PCSK6: variants seen among roughly 807,000 people sequenced by gnomAD.
The protein encoded by PCSK6 is paired basic amino acid cleaving enzyme 4.
PCSK6 carries 85 observed loss-of-function variants against 123.3 expected under a neutral mutation model. The ratio of observed to expected loss-of-function variants is 0.69; its 90% CI spans 0.58 to 0.83. The LOEUF is 0.83. PCSK6 is among the 40% of genes least tolerant of loss of function. The pLI is 0.00. For synonymous variants in PCSK6, 508 were observed against 516.0 expected (o/e 0.98, Z 0.21); for missense variants, 1,191 against 1,282.3 (o/e 0.93, Z 1.09).
At chr15:101,434,896 C>T (rs1184546581) in intron 2 of PCSK6, among the ~76,000 whole-genome samples, 1 of 152,164 alleles carries the variant, frequency 6.6e-6, no homozygotes, top group Admixed American at 6.5e-5. Context: ...ACCTCCTACC[C>T]ACCACAAAGA....
intron 19 of PCSK6, 185 bp from the exon 20 acceptor site, chr15:101,313,690 G>C (rs940344333): frequency 1.3e-6 from 1 of 746,128 alleles, no homozygotes; most frequent in East Asian, 2.9e-5. Flanking sequence ...GGTGGGCATC[G>C]CCATCACCAT....
rs1044166608 is a variant in PCSK6 at position 101,304,210 on chromosome 15, C to T, written c.*1048G>A. 1 of 152,542 alleles carries T rather than the reference C, an allele frequency of 6.6e-6. No homozygotes were observed. Among genetic ancestry groups the T allele is most frequent in the African/African-American group, 2.4e-5 (1 of 41,440 alleles). 9.4% of individuals were successfully genotyped at this position (152,542 alleles called of 1,614,324 possible). A position where few individuals can be genotyped will look rare whatever the true frequency, so the allele number is the denominator to read the frequency against. On this transcript the variant is annotated 3_prime_UTR_variant, in exon 22 of 22. Transcript: ENST00000611716. ...ATGAAATATTTGTCAAAATAATTAA[C>T]ATCGGTAAAAATTAGAACATGTAGC...
At chr15:101,482,757 T>C (rs796604847) in intron 1 of PCSK6, among the ~76,000 whole-genome samples, 52 of 152,254 alleles carry the variant, frequency 3.4e-4, no homozygotes, top group African/African-American at 1.2e-3. Flanking sequence ...AATGGTCCAG[T>C]CAGCTGAGCC....
At chr15:101,409,322 A>C (rs1410830037) in intron 6 of PCSK6, among the ~76,000 whole-genome samples, 1 of 151,872 alleles carries the variant, frequency 6.6e-6, no homozygotes, top group Admixed American at 6.6e-5. Context: ...GCAGTGGCTC[A>C]CGCCTGTAAT....
intron 1 of PCSK6, among the ~76,000 whole-genome samples, chr15:101,462,207 T>TA (rs889278633): frequency 1.3e-5 from 2 of 152,246 alleles, no homozygotes; most frequent in African/African-American, 4.8e-5. Context: ...CAACAACTGT[T>TA]AGACACTTAA....
At chr15:101,480,685 T>C (rs1032907977) in intron 1 of PCSK6, among the ~76,000 whole-genome samples, 1 of 152,198 alleles carries the variant, frequency 6.6e-6, no homozygotes, top group Non-Finnish European at 1.5e-5. Context: ...GCATCCACAG[T>C]GAGCTCCAGG....
chr15:101,394,927 C>T (rs190088432), intron 7 of PCSK6, among the ~76,000 whole-genome samples: 12 of 152,318 alleles, frequency 7.9e-5, no homozygotes, highest in African/African-American at 2.9e-4. Flanking sequence ...GCCAAGAGCT[C>T]AACAGAAAGG....
chr15:101,481,357 C>T (rs1017515279), intron 1 of PCSK6, among the ~76,000 whole-genome samples: 12 of 147,814 alleles, frequency 8.1e-5, no homozygotes, highest in South Asian at 2.2e-4. Context: ...AACCTGGTGA[C>T]GGGTGGGAAG....
chr15:101,465,821 A>C (rs984632391), intron 1 of PCSK6, among the ~76,000 whole-genome samples: 1 of 152,214 alleles, frequency 6.6e-6, no homozygotes, highest in South Asian at 2.1e-4. Context: ...AAAAAATTTT[A>C]AGAGAAGTAT....
intron 12 of PCSK6, among the ~76,000 whole-genome samples, chr15:101,368,777 C>T (rs1370826937): frequency 6.6e-6 from 1 of 152,210 alleles, no homozygotes; most frequent in Non-Finnish European, 1.5e-5. Flanking sequence ...TGCTCAGCTC[C>T]GGCCCAGTGC....
rs138359994 is a variant in PCSK6 at position 101,396,099 on chromosome 15, G to A, written c.996+2305C>T. 2.9e-3 allele frequency among the ~76,000 whole-genome samples: 448 copies of A among 152,198 alleles called. 6 individuals carry two copies. Among genetic ancestry groups the A allele is most frequent in the Admixed American group, 0.022 (331 of 15,292 alleles). ...CTAGGAGGATTTTCAGTGACAGATC[G>A]AGACAGTTGCGATTTAAGGTTCTCT... On this transcript the variant is annotated intron_variant, in intron 7 of 21. Coordinates refer to ENST00000611716, the MANE Select transcript of PCSK6 (RefSeq NM_002570.5).
chr15:101,340,298 C>T (rs1444624032), intron 13 of PCSK6, among the ~76,000 whole-genome samples: 1 of 152,072 alleles, frequency 6.6e-6, no homozygotes, highest in Non-Finnish European at 1.5e-5. Flanking sequence ...TCCCTGTGCT[C>T]CTATAGCCAC....
chr15:101,462,294 C>G (rs1214322329), intron 1 of PCSK6, among the ~76,000 whole-genome samples: 1 of 151,952 alleles, frequency 6.6e-6, no homozygotes, highest in Non-Finnish European at 1.5e-5. Flanking sequence ...TTAAAGGAGA[C>G]CTAAATAAAG....
In PCSK6 at chr15:101,431,435, C is replaced by G; in HGVS notation, c.542G>C (p.Arg181Pro). The G allele has an allele frequency of 1.9e-6, 3 of 1,613,754 alleles. No individual in the cohort carries two copies. The highest frequency in any genetic ancestry group is 1.7e-6 in the Non-Finnish European group (2 of 1,179,808). Residue 181 changes from arginine to proline, a missense_variant, in exon 4 of 22, where the codon CGG becomes CCG. Transcript: ENST00000611716. ...LHCGDKNSRCRSEMNVQAAWK... is the reference protein window; with the variant it reads ...LHCGDKNSRCPSEMNVQAAWK... ...CGCTGCCTGGACATTCATTTCCGAC[C>G]GGCAGCGACTGTTCTTGTCGCCACA...
In PCSK6 at chr15:101,304,034, C is replaced by A. The variant is rs996618570; in HGVS notation, c.*1224G>T. 4.8e-4 allele frequency: 73 copies of A among 152,624 alleles called. No homozygotes were observed. Among genetic ancestry groups the A allele is most frequent in the Non-Finnish European group, 6.9e-4 (47 of 68,040 alleles). 9.5% of individuals were successfully genotyped at this position (152,624 alleles called of 1,614,324 possible). Reference sequence around the variant, plus strand: ...TCAATAAACAACATCTGGGTTCTCTCCAGCTCACAGGTGACAAGGCAAATG... The same window carrying A: ...TCAATAAACAACATCTGGGTTCTCTACAGCTCACAGGTGACAAGGCAAATG... On this transcript the variant is annotated 3_prime_UTR_variant, in exon 22 of 22. Transcript: ENST00000611716.
intron 1 of PCSK6, among the ~76,000 whole-genome samples, chr15:101,458,459 G>A (rs1035575033): frequency 6.6e-6 from 1 of 152,118 alleles, no homozygotes; most frequent in African/African-American, 2.4e-5. Flanking sequence ...ACAGTCACTG[G>A]ACCCCCACAG....
chr15:101,332,968 A>T (rs1036274136), intron 13 of PCSK6, among the ~76,000 whole-genome samples: 1 of 152,388 alleles, frequency 6.6e-6, no homozygotes, highest in East Asian at 1.9e-4. Flanking sequence ...TGTGGAAGCC[A>T]GATGCATTCA....
At chr15:101,425,281 G>C (rs1384543749) in intron 6 of PCSK6, among the ~76,000 whole-genome samples, 2 of 152,182 alleles carry the variant, frequency 1.3e-5, no homozygotes, top group Non-Finnish European at 2.9e-5. Context: ...GATAGCCACT[G>C]GCTCCAAAGC....
intron 1 of PCSK6, among the ~76,000 whole-genome samples, chr15:101,458,090 C>T (rs1403202237): frequency 1.3e-5 from 2 of 152,222 alleles, no homozygotes; most frequent in Non-Finnish European, 2.9e-5. Context: ...TGGTCAGACA[C>T]ATTCGTCCTG....
Sources: allele counts gnomAD v4.1 joint callset (sites outside exome capture counted in the v4.1 genomes callset), GRCh38; gene constraint gnomAD v4.1.1; transcripts MANE v1.5; gene names NCBI Gene and HGNC (gene_info 2026-07-23, HGNC 2026-07-21).